The following IQUB variants were observed in gnomAD, a reference collection of about 807,000 sequenced individuals.
The protein encoded by IQUB is IQ motif and ubiquitin-like domain-containing protein.
IQUB carries 86 observed loss-of-function variants against 86.4 expected under a neutral mutation model. The ratio of observed to expected loss-of-function variants is 1.00; its 90% CI spans 0.84 to 1.19. The LOEUF is 1.19. Ranked by LOEUF, IQUB falls within the 50% of genes most tolerant of loss-of-function variation. The pLI, the probability that IQUB is intolerant of heterozygous loss-of-function variation, is 0.00. For missense variants in IQUB, 946 were observed against 916.9 expected (o/e 1.03, Z -0.41); for synonymous variants, 289 against 304.5 (o/e 0.95, Z 0.53).
intron 6 of IQUB, chr7:123,501,116 T>C (rs974311254): frequency 3.9e-5 from 6 of 152,202 alleles, no homozygotes; most frequent in Admixed American, 2.0e-4. Flanking sequence ...TGGGTGGGGC[T>C]TTCCGGGGAA....
chr7:123,502,357 G>T lies in IQUB; in HGVS notation c.1023+240C>A, dbSNP rs1795984266. On this transcript the variant is annotated intron_variant, in intron 6 of 12. Transcript: ENST00000324698. The stretch of plus-strand genomic sequence containing the variant: ...TTGAGAAGGCTAATAATGGCCAAAG[G>T]CAATACACAAAGAAGCTGGGTTTCC... 1.3e-5 allele frequency: 6 copies of T among 479,872 alleles called. No individual in the cohort carries two copies. The South Asian group carries it at 1.6e-4, about 13-fold the overall frequency. The allele number at this position is 479,872 out of a possible 1,614,324, so 29.7% of individuals were successfully genotyped here. A position where few individuals can be genotyped will look rare whatever the true frequency, so the allele number is the denominator to read the frequency against.
chr7:123,461,740 T>C (rs1377090243), intron 10 of IQUB, 135 bp from the exon 11 acceptor site: 3 of 765,664 alleles, frequency 3.9e-6, no homozygotes, highest in Non-Finnish European at 5.6e-6. Context: ...TTGGCTAATT[T>C]CTAAAATTTT....
At chr7:123,485,531 G>A (rs1454939599) in intron 7 of IQUB, among the ~76,000 whole-genome samples, 3 of 152,060 alleles carry the variant, frequency 2.0e-5, no homozygotes, top group Admixed American at 6.6e-5. Flanking sequence ...AAAGGAATTG[G>A]TTCATCTGAA....
intron 7 of IQUB, 70 bp from the exon 8 acceptor site, chr7:123,480,040 G>T (rs1372545950): frequency 1.7e-6 from 2 of 1,161,432 alleles, no homozygotes; most frequent in African/African-American, 1.7e-5. Context: ...TCCTGATGAG[G>T]AGTATTTTAT....
At chr7:123,457,193 T>TTA (rs1491100040) in intron 12 of IQUB, 188 bp downstream of exon 12, 2 of 968,328 alleles carry the variant, frequency 2.1e-6, no homozygotes, top group African/African-American at 3.5e-5. Context: ...TTCAAATCTC[T>TTA]TATATATACC....
intron 8 of IQUB, among the ~76,000 whole-genome samples, chr7:123,471,391 A>C (rs140821502): frequency 3.9e-5 from 6 of 152,318 alleles, no homozygotes; most frequent in African/African-American, 1.4e-4. Context: ...GCTAGGGCTA[A>C]GTTTCATGCT....
chr7:123,461,523 G>A lies in IQUB; in HGVS notation c.1841C>T (p.Ser614Phe). Residue 614 changes from serine to phenylalanine, a missense_variant, in exon 11 of 13, where the codon TCT becomes TTT. By Grantham distance (155) the Ser-to-Phe change is radical. Coordinates refer to ENST00000324698, the MANE Select transcript of IQUB (RefSeq NM_178827.5). Reference sequence around the variant, plus strand: ...TATGCGGCGTGAGGTGGATGATACAGAAAATTCTGTAGAAGGCAAATAAAG... The same window carrying A: ...TATGCGGCGTGAGGTGGATGATACAAAAAATTCTGTAGAAGGCAAATAAAG... ...CQLYLPSTEF[S>F]VSSTSRRIYR... The A allele has an allele frequency of 6.2e-7, 1 of 1,612,008 alleles. No homozygotes were observed. Among genetic ancestry groups the A allele is most frequent in the Non-Finnish European group, 8.5e-7 (1 of 1,178,822 alleles).
chr7:123,494,396 T>A (rs1343980146), intron 7 of IQUB, among the ~76,000 whole-genome samples: 1 of 152,126 alleles, frequency 6.6e-6, no homozygotes, highest in African/African-American at 2.4e-5. Context: ...GGGCAGCAGC[T>A]CCAAGGAATG....
intron 1 of IQUB, among the ~76,000 whole-genome samples, chr7:123,530,155 T>C (rs982296635): frequency 6.6e-6 from 1 of 152,138 alleles, no homozygotes; most frequent in Non-Finnish European, 1.5e-5. Context: ...TGCAATGAGA[T>C]GAGATCATGC....
At chr7:123,457,895 TAGTA>T in intron 11 of IQUB, 1 of 192,254 alleles carries the variant, frequency 5.2e-6, no homozygotes, top group Non-Finnish European at 1.1e-5. Context: ...TAAAATTCAT[TAGTA>T]AGTACCATCT....
Position 123,479,861 on chromosome 7 carries a change from A to C in IQUB, c.1344T>G (p.Ile448Met). The C allele has an allele frequency of 3.1e-6, 5 of 1,612,994 alleles. No homozygotes were observed. Among genetic ancestry groups the C allele is most frequent in the Non-Finnish European group, 4.2e-6 (5 of 1,179,384 alleles). ...TATAAGCAATGTATCTATGTCTCCC[A>C]ATGGAAGCAATTATCTGAGTCTCTT... ...LEKETQIIAS[I>M]GRHRYIAYMA... Residue 448 changes from isoleucine to methionine, a missense_variant, in exon 8 of 13, where the codon ATT becomes ATG. Ile to Met is a conservative substitution (Grantham distance 10, BLOSUM62 1). Transcript: ENST00000324698.
Position 123,456,941 on chromosome 7 carries a change from T to G in IQUB, c.2193+440A>C, listed in dbSNP as rs150744150. Among the ~76,000 whole-genome samples the G allele has an allele frequency of 9.2e-5, 14 of 152,196 alleles. No homozygotes were observed. In the East Asian group the frequency reaches 2.1e-3, roughly 23 times the overall value. On this transcript the variant is annotated intron_variant, in intron 12 of 12. Coordinates refer to ENST00000324698, the MANE Select transcript of IQUB (RefSeq NM_178827.5). ...GAGAGTTGGGTGTTTTTAAGCAGAC[T>G]CATGATAATTAATCAAAGAAGGACA...
At chr7:123,459,524 C>T (rs962702494) in intron 11 of IQUB, among the ~76,000 whole-genome samples, 3 of 151,992 alleles carry the variant, frequency 2.0e-5, no homozygotes, top group African/African-American at 7.2e-5. Flanking sequence ...CTCCTCCTGG[C>T]TCTATAGCAG....
At position 123,452,625 on chromosome 7, in the gene IQUB, A is replaced by AAAAC. The variant is rs1398086972; in HGVS notation, c.*114_*117dup. On this transcript the variant is annotated 3_prime_UTR_variant, in exon 13 of 13. Coordinates refer to ENST00000324698, the MANE Select transcript of IQUB (RefSeq NM_178827.5). Reference sequence around the variant, plus strand: ...CTTTATATAACTCAAAATACTATGAAAAACAAAAAACAAAATCAATAAACA... The same window carrying AAAAC: ...CTTTATATAACTCAAAATACTATGAAAAACAAACAAAAAACAAAATCAATAAACA... 1.4e-4 allele frequency: 82 copies of AAAAC among 595,114 alleles called. No individual in the cohort carries two copies. In the Admixed American group the frequency reaches 3.1e-3, roughly 23 times the overall value. 36.9% of individuals were successfully genotyped at this position (595,114 alleles called of 1,614,324 possible).
chr7:123,482,131 G>C (rs1795036884), intron 7 of IQUB, among the ~76,000 whole-genome samples: 1 of 151,756 alleles, frequency 6.6e-6, no homozygotes, highest in South Asian at 2.1e-4. Flanking sequence ...TATGATGAAA[G>C]GTCTGACTGT....
rs1278358786 is a variant in IQUB at position 123,496,752 on chromosome 7, C to T, written c.1178G>A (p.Arg393Gln). Residue 393 changes from arginine to glutamine, a missense_variant, in exon 7 of 13, where the codon CGG becomes CAG. By Grantham distance (43) the Arg-to-Gln change is conservative (BLOSUM62 1). Transcript: ENST00000324698. ...TTCATTTGTTTTAGGATTATGCCTC[C>T]GGTGATAGTCCAATTTTATCCATTC... Reference protein sequence around the residue: ...KEEWIKLDYHRRHNPKTNEDF... With the variant: ...KEEWIKLDYHQRHNPKTNEDF... The T allele has an allele frequency of 1.3e-5, 21 of 1,610,418 alleles. No homozygotes were observed. Among genetic ancestry groups the T allele is most frequent in the East Asian group, 4.5e-5 (2 of 44,716 alleles).
intron 8 of IQUB, among the ~76,000 whole-genome samples, chr7:123,472,249 GA>G (rs1309405569): frequency 1.3e-5 from 2 of 149,732 alleles, no homozygotes; most frequent in African/African-American, 4.9e-5. Flanking sequence ...AAAAAAAAAA[GA>G]AAAAAGAAAA....
At chr7:123,457,901 G>T in intron 11 of IQUB, 1 of 183,520 alleles carries the variant, frequency 5.4e-6, no homozygotes. Flanking sequence ...TCATTAGTAA[G>T]TACCATCTTA....
intron 3 of IQUB, 65 bp downstream of exon 3, chr7:123,509,836 A>G (rs1208287407): frequency 7.3e-7 from 1 of 1,360,600 alleles, no homozygotes; most frequent in Non-Finnish European, 1.0e-6. Flanking sequence ...AAAATCAAAG[A>G]TCTTGATTGT....
Sources: gnomAD v4.1 joint callset for allele counts (sites outside exome capture counted in the v4.1 genomes callset) on GRCh38, gnomAD v4.1.1 for gene constraint, MANE v1.5 for transcripts, NCBI Gene and HGNC (gene_info 2026-07-23, HGNC 2026-07-21) for gene names.